PHACTR1: variants seen among roughly 807,000 people sequenced by gnomAD.
PHACTR1 encodes phosphatase and actin regulator 1.
A neutral mutation model predicts 69.2 loss-of-function variants in PHACTR1; 16 were observed. The ratio of observed to expected loss-of-function variants is 0.23; its 90% CI spans 0.16 to 0.35. The LOEUF is 0.35. PHACTR1 is among the 10% of genes least tolerant of loss of function. The pLI is 1.00. For synonymous variants in PHACTR1, 312 were observed against 284.5 expected (o/e 1.10, Z -0.97); for missense variants, 510 against 734.7 (o/e 0.69, Z 3.54).
intron 4 of PHACTR1, among the ~76,000 whole-genome samples, chr6:12,818,789 T>C (rs1261774860): frequency 6.6e-6 from 1 of 152,172 alleles, no homozygotes; most frequent in Non-Finnish European, 1.5e-5. Flanking sequence ...CCAACATAGG[T>C]ATAAAATTTC....
At chr6:12,968,066 T>A (rs1207299165) in intron 4 of PHACTR1, among the ~76,000 whole-genome samples, 1 of 152,044 alleles carries the variant, frequency 6.6e-6, no homozygotes, top group Admixed American at 6.6e-5. Flanking sequence ...TTATGTGCCC[T>A]CTCCACTCAC....
At chr6:13,256,124 A>G (rs1775162647) in intron 10 of PHACTR1, among the ~76,000 whole-genome samples, 2 of 152,340 alleles carry the variant, frequency 1.3e-5, no homozygotes, top group East Asian at 1.9e-4. Context: ...CCTTACTACA[A>G]TATGGAAGCC....
intron 4 of PHACTR1, among the ~76,000 whole-genome samples, chr6:12,991,273 C>G (rs1452946131): frequency 6.6e-6 from 1 of 152,172 alleles, no homozygotes; most frequent in Admixed American, 6.5e-5. Flanking sequence ...CCCAGGGTGA[C>G]ACAAATTGCT....
At chr6:13,154,863 C>T (rs1207549376) in intron 5 of PHACTR1, among the ~76,000 whole-genome samples, 2 of 151,906 alleles carry the variant, frequency 1.3e-5, no homozygotes, top group East Asian at 3.9e-4. Context: ...CATGTTTGTT[C>T]TACCCAAAGC....
At chr6:13,034,892 G>C (rs1162026698) in intron 4 of PHACTR1, among the ~76,000 whole-genome samples, 1 of 152,150 alleles carries the variant, frequency 6.6e-6, no homozygotes, top group Non-Finnish European at 1.5e-5. Flanking sequence ...TACTTTCAAT[G>C]TTTCTTGAAG....
rs1384494931 is a variant in PHACTR1 at position 13,003,951 on chromosome 6, C to CTATATATATATATATA, written c.251-49401_251-49400insATATATATATATATAT. On this transcript the variant is annotated intron_variant, in intron 4 of 14. Coordinates refer to ENST00000332995, the MANE Select transcript of PHACTR1 (RefSeq NM_030948.6). The stretch of plus-strand genomic sequence containing the variant: ...CTTTTTTTATGGCTCAGTAGTATTC[C>CTATATATATATATATA]TATATATATATATGTATATATATAT... 1.3e-3 allele frequency among the ~76,000 whole-genome samples: 117 copies of CTATATATATATATATA among 93,482 alleles called. 6 individuals carry two copies. Among genetic ancestry groups the CTATATATATATATATA allele is most frequent in the African/African-American group, 5.2e-3 (83 of 16,014 alleles). 61.3% of individuals were successfully genotyped at this position (93,482 alleles called of 152,430 possible). A position where few individuals can be genotyped will look rare whatever the true frequency, so the allele number is the denominator to read the frequency against.
chr6:13,073,016 T>C (rs1475192263), intron 5 of PHACTR1, among the ~76,000 whole-genome samples: 1 of 152,118 alleles, frequency 6.6e-6, no homozygotes. Flanking sequence ...TTTAGACTGA[T>C]TTCGTCTTTT....
chr6:12,981,464 A>T (rs1477290968), intron 4 of PHACTR1, among the ~76,000 whole-genome samples: 1 of 152,254 alleles, frequency 6.6e-6, no homozygotes, highest in Admixed American at 6.5e-5. Flanking sequence ...TTCTCCTATT[A>T]GAATGTGAAC....
chr6:13,160,056 G>T, intron 5 of PHACTR1, 148 bp from the exon 6 acceptor site: 1 of 654,648 alleles, frequency 1.5e-6, no homozygotes, highest in East Asian at 2.7e-5. Context: ...CATATTAACT[G>T]GTATGTCTCA....
intron 3 of PHACTR1, among the ~76,000 whole-genome samples, chr6:12,721,588 T>G (rs552381249): frequency 8.5e-5 from 13 of 152,330 alleles, no homozygotes; most frequent in African/African-American, 3.1e-4. Context: ...GCTCTCCATC[T>G]GTCTTGTCCT....
At chr6:13,196,425 T>TC (rs957821849) in intron 7 of PHACTR1, 1 of 165,282 alleles carries the variant, frequency 6.1e-6, no homozygotes, top group African/African-American at 2.4e-5. Context: ...TCTTTCTTTT[T>TC]TTTTTTGTTT....
chr6:13,156,167 T>G (rs576939745), intron 5 of PHACTR1, among the ~76,000 whole-genome samples: 1 of 152,306 alleles, frequency 6.6e-6, no homozygotes, highest in South Asian at 2.1e-4. Flanking sequence ...GGTACCTCCT[T>G]GTAAATTGGG....
chr6:12,980,442 A>G (rs968517653), intron 4 of PHACTR1, among the ~76,000 whole-genome samples: 1 of 152,150 alleles, frequency 6.6e-6, no homozygotes, highest in African/African-American at 2.4e-5. Context: ...CATGTCCCAT[A>G]CAAGTGATAT....
chr6:12,751,332 G>A (rs1239625559), intron 4 of PHACTR1, among the ~76,000 whole-genome samples: 1 of 152,188 alleles, frequency 6.6e-6, no homozygotes, highest in Non-Finnish European at 1.5e-5. Flanking sequence ...GTAGTCCATG[G>A]TTCCCACTTT....
intron 4 of PHACTR1, among the ~76,000 whole-genome samples, chr6:12,919,335 G>T (rs955001982): frequency 6.6e-6 from 1 of 151,992 alleles, no homozygotes; most frequent in Non-Finnish European, 1.5e-5. Flanking sequence ...TAGAGACGGG[G>T]TTTCACCATG....
intron 4 of PHACTR1, among the ~76,000 whole-genome samples, chr6:13,019,076 T>C (rs866396707): frequency 0.022 from 3,254 of 147,294 alleles, 143 homozygotes; most frequent in African/African-American, 0.075. Context: ...ATATATATAT[T>C]TTTTCTTTTT....
chr6:12,902,740 C>T (rs1359534958), intron 4 of PHACTR1, among the ~76,000 whole-genome samples: 1 of 152,152 alleles, frequency 6.6e-6, no homozygotes, highest in Non-Finnish European at 1.5e-5. Flanking sequence ...TCAATACATT[C>T]ATCAATATAT....
At chr6:12,948,644 C>G (rs1452344825) in intron 4 of PHACTR1, among the ~76,000 whole-genome samples, 3 of 152,162 alleles carry the variant, frequency 2.0e-5, no homozygotes, top group African/African-American at 7.2e-5. Context: ...GATTTAAACC[C>G]TGACCCTGCC....
At chr6:12,926,694 A>C (rs767912149) in intron 4 of PHACTR1, among the ~76,000 whole-genome samples, 3 of 152,098 alleles carry the variant, frequency 2.0e-5, no homozygotes, top group Non-Finnish European at 4.4e-5. Flanking sequence ...TCTGGTATGG[A>C]CCCTCATTCC....
Sources: allele counts gnomAD v4.1 joint callset (sites outside exome capture counted in the v4.1 genomes callset), GRCh38; gene constraint gnomAD v4.1.1; transcripts MANE v1.5; gene names NCBI Gene and HGNC (gene_info 2026-07-23, HGNC 2026-07-21).